Variants in KRT36 observed in about 807,000 individuals in gnomAD.
KRT36 encodes the protein keratin, type I cuticular Ha6.
Under a neutral mutation model 43.0 loss-of-function variants are expected in KRT36, and 41 were observed. That is an observed-to-expected ratio of 0.95 (90% CI 0.74 to 1.24). KRT36 has a LOEUF of 1.24. KRT36 is among the 50% of genes most tolerant of loss of function. KRT36 has a pLI of 0.00. For synonymous variants in KRT36, 277 were observed against 252.9 expected, an observed-to-expected ratio of 1.10 and a Z score of -0.90; for missense variants, 627 against 595.3, an observed-to-expected ratio of 1.05 and a Z score of -0.55.
rs1904408970 is a variant in KRT36 at position 41,487,103 on chromosome 17, T to C, written c.1055A>G (p.Gln352Arg). Residue 352 changes from glutamine (Q) to arginine (R), a missense_variant, in exon 6 of 7, where the codon CAG (glutamine) becomes CGG (arginine). Transcript: ENST00000328119. ...ARYSSQLAQM[Q>R]CLISNVEAQL... ...GGCCTCCACGTTGCTGATCAGGCAC[T>C]GCATCTGGGCCAGCTGGGAGCTGTA... 1.2e-6 allele frequency: 2 copies of C among 1,614,250 alleles called. No individual in the cohort carries two copies. The highest frequency in any genetic ancestry group is 2.2e-5 in the South Asian group (2 of 91,092).
At chr17:41,487,301 C>T (rs762904013) in intron 5 of KRT36, 50 bp downstream of exon 5, 21 of 1,588,778 alleles carry the variant, frequency 1.3e-5, no homozygotes, top group Middle Eastern at 2.3e-4. Flanking sequence ...GCTGGTGCGT[C>T]GGGGACCTGC....
rs552978159 is a variant in KRT36 at position 41,488,225 on chromosome 17, A to G, written c.699+18T>C. ...GCTGGATGGGAAACACTGGGAAGTCACATGGCACCAGCCTCACCTCCTCGT... is the reference window on the plus strand; with the variant it reads ...GCTGGATGGGAAACACTGGGAAGTCGCATGGCACCAGCCTCACCTCCTCGT... On this transcript the variant is annotated intron_variant, in intron 3 of 6. Transcript: ENST00000328119. 9 of 1,608,568 alleles carry G rather than the reference A, an allele frequency of 5.6e-6. No homozygotes were observed. The South Asian group carries it at 8.8e-5, about 16-fold the overall frequency.
At chr17:41,486,912 GTT>G in intron 6 of KRT36, 36 bp downstream of exon 6, 8 of 1,574,770 alleles carry the variant, frequency 5.1e-6, no homozygotes, top group Non-Finnish European at 6.9e-6. Flanking sequence ...GGCACTGAGG[GTT>G]CAGTCAAGCC....
intron 1 of KRT36, 54 bp from the exon 2 acceptor site, chr17:41,488,778 AG>A: frequency 7.0e-7 from 1 of 1,436,652 alleles, no homozygotes. Flanking sequence ...GTGTGGGGGC[AG>A]GTAGGGGGAT....
intron 5 of KRT36, 84 bp from the exon 6 acceptor site, chr17:41,487,254 G>A (rs78343678): frequency 0.075 from 118,775 of 1,575,684 alleles, 4,996 homozygotes; most frequent in Non-Finnish European, 0.083. Context: ...TCTGCCTACG[G>A]CCTGTGATCA....
chr17:41,486,659 A>C (rs1002005613), intron 6 of KRT36, 88 bp from the exon 7 acceptor site: 109 of 1,092,612 alleles, frequency 1.0e-4, no homozygotes, highest in Non-Finnish European at 9.2e-5. Context: ...ATCAAGCGAG[A>C]CCGGTGGCCC....
rs762157702 is a variant in KRT36 at position 41,486,413 on chromosome 17, A to G, written c.1367T>C (p.Ile456Thr). 4.3e-6 allele frequency: 7 copies of G among 1,613,872 alleles called. No homozygotes were observed. The highest frequency in any genetic ancestry group is 3.3e-5 in the Admixed American group (2 of 59,984). ...GGACTGCACGTGCTCCCTGGAGGAG[A>G]TGACTTTCCCATCTCTGATCTCCTC... ...ITEEIRDGKV[I>T]SSREHVQSRP... The change falls in exon 7 of 7, where the codon ATC becomes ACC. Residue 456 changes from isoleucine to threonine, a missense_variant. Physicochemically the swap from Ile to Thr is moderately conservative, Grantham distance 89. Transcript: ENST00000328119.
At position 41,487,153 on chromosome 17, in the gene KRT36, G is replaced by A. The variant is rs1159157157; in HGVS notation, c.1005C>T (p.Ser335=). Reference sequence around the variant, plus strand: ...AGCGGGCCTCGGTTTCGGCCAGGGTGGATTCCAAGGAATTCCGCTGCAATG... The same window carrying A: ...AGCGGGCCTCGGTTTCGGCCAGGGTAGATTCCAAGGAATTCCGCTGCAATG... ...AQHSMRNSLE[S]TLAETEARYS... The change falls in exon 6 of 7, where the codon TCC becomes TCT. Residue 335 remains serine, a synonymous_variant. Transcript: ENST00000328119. 4 of 1,613,074 alleles carry A rather than the reference G, an allele frequency of 2.5e-6. No individual in the cohort carries two copies. Among genetic ancestry groups the A allele is most frequent in the Non-Finnish European group, 2.5e-6 (3 of 1,179,218 alleles).
rs763547673 is a variant in KRT36, at chr17:41,487,005, G to C, written c.1153C>G (p.Arg385Gly). 2 of 1,614,010 alleles carry C rather than the reference G, an allele frequency of 1.2e-6. No homozygotes were observed. Among genetic ancestry groups the C allele is most frequent in the African/African-American group, 1.3e-5 (1 of 75,034 alleles). ...TAGGTAGCGATCTCGCCCTCCAGCC[G>C]GGCCTTGACGTCCAGTAACACCTGG... ...EYQVLLDVKA[R>G]LEGEIATYRH... The change falls in exon 6 of 7, where the codon CGG becomes GGG. Residue 385 changes from arginine to glycine, a missense_variant. By Grantham distance (125) the Arg-to-Gly change is moderately radical. Coordinates refer to ENST00000328119, the MANE Select transcript of KRT36 (RefSeq NM_003771.5).
rs1007651555 is a variant in KRT36 at position 41,489,815 on chromosome 17, C to A, written c.50G>T (p.Gly17Val). The change falls in exon 1 of 7, where the codon GGC becomes GTC. Residue 17 changes from glycine (G) to valine (V), a missense_variant. Coordinates refer to ENST00000328119, the MANE Select transcript of KRT36 (RefSeq NM_003771.5). ...GATGCCGCCTGCTGTGCCACAGAGG[C>A]CCTTGATAGACCCAGTGGAGAAGGT... ...TPTFSTGSIK[G>V]LCGTAGGISR... 2.5e-6 allele frequency: 4 copies of A among 1,613,604 alleles called. No individual in the cohort carries two copies. The highest frequency in any genetic ancestry group is 3.3e-5 in the Admixed American group (2 of 60,000).
chr17:41,487,485 C>G lies in KRT36; in HGVS notation c.862-9G>C. The G allele has an allele frequency of 6.2e-7, 1 of 1,614,040 alleles. No individual in the cohort carries two copies. Among genetic ancestry groups the G allele is most frequent in the Non-Finnish European group, 8.5e-7 (1 of 1,179,928 alleles). ...TGGTTCAGCTCCTCAGTCTGAAACA[C>G]ATGCCAGGGCCCAGAGCATGGTCAA... On this transcript the variant is annotated splice_polypyrimidine_tract_variant and intron_variant, in intron 4 of 6. Transcript: ENST00000328119.
At position 41,487,384 on chromosome 17, in the gene KRT36, C is replaced by T. The variant is rs8073246; in HGVS notation, c.954G>A (p.Ala318=). The change falls in exon 5 of 7, where the codon GCG becomes GCA. Residue 318 remains alanine, a synonymous_variant. Coordinates refer to ENST00000328119, the MANE Select transcript of KRT36 (RefSeq NM_003771.5). ...EIIELRRTVN[A]LEIELQAQHS... ...GCTGAGCCTGCAGCTCAATCTCTAG[C>T]GCGTTGACCGTACGTCTCAGCTCGA... The T allele has an allele frequency of 1.5e-5, 24 of 1,612,680 alleles. No individual in the cohort carries two copies. Among genetic ancestry groups the T allele is most frequent in the African/African-American group, 2.7e-5 (2 of 74,894 alleles).
At chr17:41,487,302 G>A (rs201787972) in intron 5 of KRT36, 49 bp downstream of exon 5, 5 of 1,592,700 alleles carry the variant, frequency 3.1e-6, no homozygotes, top group South Asian at 2.3e-5. Context: ...CTGGTGCGTC[G>A]GGGACCTGCC....
At position 41,486,893 on chromosome 17, in the gene KRT36, C is replaced by G. The variant is rs1446547753; in HGVS notation, c.1208+57G>C. The G allele has an allele frequency of 4.7e-6, 7 of 1,502,076 alleles. No homozygotes were observed. In the East Asian group the frequency reaches 1.4e-4, roughly 29 times the overall value. The allele number at this position is 1,502,076 out of a possible 1,614,324, so 93.0% of individuals were successfully genotyped here. ...CGACAACCACTTCTGGGCTTGACGC[C>G]CTCCACATGGCACTGAGGGTTCAGT... On this transcript the variant is annotated intron_variant, in intron 6 of 6. Coordinates refer to ENST00000328119, the MANE Select transcript of KRT36 (RefSeq NM_003771.5).
chr17:41,488,830 C>T, intron 1 of KRT36, 106 bp from the exon 2 acceptor site: 1 of 944,112 alleles, frequency 1.1e-6, no homozygotes, highest in Non-Finnish European at 1.7e-6. Context: ...TACCACCAGC[C>T]CCTTCACCAT....
chr17:41,487,203 G>A (rs1904413530), intron 5 of KRT36, 33 bp from the exon 6 acceptor site: 1 of 1,598,010 alleles, frequency 6.3e-7, no homozygotes, highest in Non-Finnish European at 8.5e-7. Context: ...CTGCCTATTG[G>A]GGAGGAATCC....
chr17:41,488,868 T>TG (rs1904483286), intron 1 of KRT36, 144 bp from the exon 2 acceptor site: 1 of 702,782 alleles, frequency 1.4e-6, no homozygotes, highest in African/African-American at 1.7e-5. Flanking sequence ...ACCCCAGGTG[T>TG]GGGGGGAGCA....
chr17:41,486,500 C>T lies in KRT36; in HGVS notation c.1280G>A (p.Cys427Tyr), dbSNP rs760750125. 1.2e-6 allele frequency: 2 copies of T among 1,612,734 alleles called. No homozygotes were observed. Among genetic ancestry groups the T allele is most frequent in the South Asian group, 1.1e-5 (1 of 90,934 alleles). Residue 427 changes from cysteine (C) to tyrosine (Y), a missense_variant, in exon 7 of 7, where the codon TGT becomes TAT. Transcript: ENST00000328119. Reference sequence around the variant, plus strand: ...CGGGGTGCAGGGCACAGAGGGGACACAGGGCACCGGGGGGACAGAAGGAAC... The same window carrying T: ...CGGGGTGCAGGGCACAGAGGGGACATAGGGCACCGGGGGGACAGAAGGAAC... ...IRVPSVPPVP[C>Y]VPSVPCTPAP... is the part of the protein sequence containing the mutation.
intron 5 of KRT36, 22 bp downstream of exon 5, chr17:41,487,329 G>A (rs1264040843): frequency 4.4e-6 from 7 of 1,606,448 alleles, no homozygotes; most frequent in East Asian, 2.2e-5. Context: ...CGTGGCCAGC[G>A]ACGCAGGCAG....
Sources: allele counts gnomAD v4.1 joint callset, GRCh38; gene constraint gnomAD v4.1.1; transcripts MANE v1.5; gene names NCBI Gene and HGNC (gene_info 2026-07-23, HGNC 2026-07-21).